Variants in SCMH1 observed in about 807,000 individuals in gnomAD.
SCMH1 encodes polycomb protein SCMH1.
In SCMH1, 37 loss-of-function variants were observed where a neutral mutation model predicts 70.8. That is an observed-to-expected ratio of 0.52 (90% confidence interval 0.40 to 0.69). The LOEUF is 0.69. Ranked by LOEUF, SCMH1 falls within the 30% of genes least tolerant of loss-of-function variation. SCMH1 has a pLI of 0.00. For missense variants in SCMH1, 607 were observed against 827.3 expected, an observed-to-expected ratio of 0.73 and a Z score of 3.27; for synonymous variants, 292 against 307.4, an observed-to-expected ratio of 0.95 and a Z score of 0.52.
chr1:41,237,175 C>T, intron 1 of SCMH1, among the ~76,000 whole-genome samples: 1 of 152,152 alleles, frequency 6.6e-6, no homozygotes, highest in Non-Finnish European at 1.5e-5. Context: ...TTGAGGAACT[C>T]AGGTTTCCTT....
At chr1:41,048,293 G>A (rs982470658) in intron 11 of SCMH1, among the ~76,000 whole-genome samples, 2 of 152,200 alleles carry the variant, frequency 1.3e-5, no homozygotes, top group African/African-American at 2.4e-5. Flanking sequence ...GGTTTAGGAC[G>A]AGGAAGCTAA....
rs1001336783 is a variant in SCMH1, at chr1:41,214,541, T to C, written c.-118+27518A>G. On this transcript the variant is annotated intron_variant, in intron 1 of 14. Coordinates refer to ENST00000337495, the Ensembl canonical transcript of SCMH1. ...TTTGAAACAGGGCCTTGAATAGTAG[T>C]TATTTAATAAACATTTACCTAAGGA... 2.6e-5 allele frequency among the ~76,000 whole-genome samples: 4 copies of C among 152,130 alleles called. No individual in the cohort carries two copies. The East Asian group carries it at 7.7e-4, about 29-fold the overall frequency.
At chr1:41,214,768 T>A (rs1657746638) in intron 1 of SCMH1, among the ~76,000 whole-genome samples, 4 of 152,138 alleles carry the variant, frequency 2.6e-5, no homozygotes, top group Admixed American at 2.0e-4. Context: ...ATTCTCCAAT[T>A]GAGGGTCTGA....
chr1:41,054,224 G>A (rs1401072033), intron 10 of SCMH1, among the ~76,000 whole-genome samples: 1 of 152,186 alleles, frequency 6.6e-6, no homozygotes, highest in African/African-American at 2.4e-5. Flanking sequence ...GAAAGGGGAA[G>A]TGTTGAAAGT....
chr1:41,085,873 C>T (rs1661488361), intron 8 of SCMH1, among the ~76,000 whole-genome samples: 1 of 107,136 alleles, frequency 9.3e-6, no homozygotes, highest in African/African-American at 3.6e-5. Context: ...TGGAGTCTTG[C>T]TCTGTTGCCC....
At chr1:41,029,626 A>G (rs1477874286) in intron 13 of SCMH1, among the ~76,000 whole-genome samples, 3 of 152,130 alleles carry the variant, frequency 2.0e-5, no homozygotes, top group Non-Finnish European at 4.4e-5. Flanking sequence ...GGATCTCTGT[A>G]TTTTGACTAT....
At chr1:41,177,650 T>C (rs1647356137) in intron 2 of SCMH1, among the ~76,000 whole-genome samples, 1 of 151,824 alleles carries the variant, frequency 6.6e-6, no homozygotes, top group African/African-American at 2.4e-5. Context: ...TGATGGAAGA[T>C]CAAATGAATG....
chr1:41,159,620 T>C, intron 4 of SCMH1: 5 of 1,280,854 alleles, frequency 3.9e-6, no homozygotes, highest in East Asian at 5.8e-5. Context: ...CTGACTCCTA[T>C]GTCCATGTTT....
upstream of SCMH1, chr1:41,242,186 C>CG (rs1213956578): frequency 3.9e-4 from 40 of 103,370 alleles, no homozygotes; most frequent in Non-Finnish European, 6.6e-4. This position sits in a 1 kb window ranked among gnomAD's most constrained non-coding sequence, Gnocchi z 5.2. Context: ...GGGCGGGCGG[C>CG]GGGGGGCTCC....
chr1:41,159,715 G>A (rs564889735), intron 4 of SCMH1: 1 of 1,529,040 alleles, frequency 6.5e-7, no homozygotes, highest in Non-Finnish European at 8.8e-7. Flanking sequence ...CAAGTGCCAG[G>A]CACCTTTACC....
chr1:41,062,999 T>C (rs1451816119), intron 10 of SCMH1, among the ~76,000 whole-genome samples: 2 of 151,366 alleles, frequency 1.3e-5, no homozygotes, highest in Admixed American at 1.3e-4. Context: ...AGAAGCAGTG[T>C]TTAAAGGGTG....
rs151078195 is a variant in SCMH1, at chr1:41,108,485, C to G, written c.745+4798G>C. On this transcript the variant is annotated intron_variant, in intron 8 of 14. Coordinates refer to ENST00000337495, the Ensembl canonical transcript of SCMH1. ...TCATTTTGCTTTTTACATTTAAAAA[C>G]TAAAGCATGTATCTGTTTCAGTTTT... is the stretch of plus-strand genomic sequence containing the variant. 4.7e-4 allele frequency among the ~76,000 whole-genome samples: 71 copies of G among 152,270 alleles called. No homozygotes were observed. The East Asian group carries it at 0.013, about 29-fold the overall frequency.
intron 6 of SCMH1, among the ~76,000 whole-genome samples, chr1:41,124,711 G>A (rs970911862): frequency 6.6e-6 from 1 of 151,646 alleles, no homozygotes; most frequent in African/African-American, 2.4e-5. Flanking sequence ...GGGCTCAGGT[G>A]ATCCCCCTGA....
chr1:41,206,414 G>C (rs1166427664), intron 1 of SCMH1, among the ~76,000 whole-genome samples: 4 of 152,198 alleles, frequency 2.6e-5, no homozygotes, highest in Non-Finnish European at 5.9e-5. Context: ...AGCTTCAGTA[G>C]CCGATTTGAC....
chr1:41,195,452 GAAGT>G (rs1387756703), intron 1 of SCMH1, among the ~76,000 whole-genome samples: 1 of 150,592 alleles, frequency 6.6e-6, no homozygotes, highest in Non-Finnish European at 1.5e-5. Flanking sequence ...TAAATAGAAT[GAAGT>G]AAAAAAAAAA....
chr1:41,215,842 C>T (rs1657966169), intron 1 of SCMH1, among the ~76,000 whole-genome samples: 1 of 152,176 alleles, frequency 6.6e-6, no homozygotes, highest in African/African-American at 2.4e-5. Context: ...ATCCAATATA[C>T]TGCCTGACAG....
chr1:41,037,687 G>GCTGT, intron 12 of SCMH1, 146 bp from the exon 13 acceptor site: 1 of 672,542 alleles, frequency 1.5e-6, no homozygotes, highest in Non-Finnish European at 2.5e-6. Flanking sequence ...CATGGTTGTG[G>GCTGT]CTGTCATGAG....
At chr1:41,095,085 T>C (rs923980930) in intron 8 of SCMH1, among the ~76,000 whole-genome samples, 10 of 152,128 alleles carry the variant, frequency 6.6e-5, no homozygotes, top group Non-Finnish European at 1.3e-4. Context: ...CGCTACCAGT[T>C]TACCTGTTTA....
At chr1:41,075,583 T>A in intron 8 of SCMH1, 132 bp from the exon 9 acceptor site, 1 of 680,280 alleles carries the variant, frequency 1.5e-6, no homozygotes, top group Non-Finnish European at 2.5e-6. Context: ...GCATTTGACC[T>A]AAATGTTAAG....
Sources: allele counts gnomAD v4.1 joint callset (sites outside exome capture counted in the v4.1 genomes callset), GRCh38; gene constraint gnomAD v4.1.1; non-coding constraint Gnocchi (gnomAD v3.1); transcripts MANE v1.5; gene names NCBI Gene and HGNC (gene_info 2026-07-23, HGNC 2026-07-21).